Variants in HDAC4 observed in about 807,000 individuals in gnomAD.
HDAC4 encodes histone deacetylase A.
Under a neutral mutation model 135.1 loss-of-function variants are expected in HDAC4, and 16 were observed. That is an observed-to-expected ratio of 0.12 (90% CI 0.08 to 0.18). The LOEUF is 0.18. Ranked by LOEUF, HDAC4 falls within the 10% of genes least tolerant of loss-of-function variation. The pLI is 1.00. For synonymous variants in HDAC4, 685 were observed against 653.4 expected, an observed-to-expected ratio of 1.05 and a Z score of -0.74; for missense variants, 1,143 against 1,511.8, an observed-to-expected ratio of 0.76 and a Z score of 4.05.
chr2:239,126,223 G>A (rs761374121), intron 12 of HDAC4, among the ~76,000 whole-genome samples: 13 of 152,202 alleles, frequency 8.5e-5, no homozygotes, highest in East Asian at 1.9e-4. Flanking sequence ...GGCCCTGCGC[G>A]TCCCACTCCC....
At chr2:239,265,368 A>G (rs531455684) in intron 2 of HDAC4, among the ~76,000 whole-genome samples, 2 of 152,364 alleles carry the variant, frequency 1.3e-5, no homozygotes, top group East Asian at 1.9e-4. Flanking sequence ...TTAGCCCAGC[A>G]ATGGGTGTGG....
intron 19 of HDAC4, among the ~76,000 whole-genome samples, chr2:239,084,822 GAC>G (rs954670202): frequency 7.0e-6 from 1 of 143,168 alleles, no homozygotes; most frequent in Non-Finnish European, 1.5e-5. Context: ...CACAGATAGA[GAC>G]ACACACACCA....
intron 6 of HDAC4, among the ~76,000 whole-genome samples, chr2:239,161,126 T>C (rs2042765828): frequency 6.6e-6 from 1 of 152,214 alleles, no homozygotes; most frequent in Non-Finnish European, 1.5e-5. Context: ...TGACCGTATT[T>C]TTAAGTGGGC....
chr2:239,335,500 C>T (rs1239074281), intron 2 of HDAC4, among the ~76,000 whole-genome samples: 7 of 108,666 alleles, frequency 6.4e-5, no homozygotes, highest in Non-Finnish European at 8.8e-5. Flanking sequence ...TTAAGAGCAT[C>T]TGTTCAGCAA....
chr2:239,242,972 G>C (rs182731893), intron 2 of HDAC4, among the ~76,000 whole-genome samples: 1 of 152,028 alleles, frequency 6.6e-6, no homozygotes, highest in Non-Finnish European at 1.5e-5. Flanking sequence ...ACAAACCAGC[G>C]TGGTCAGGCC....
In HDAC4 at chr2:239,231,641, C is replaced by T. The variant is rs947125941; in HGVS notation, c.94+4952G>A. On this transcript the variant is annotated intron_variant, in intron 3 of 26. Transcript: ENST00000543185. The stretch of plus-strand genomic sequence containing the variant: ...GGATGCCTGAGGTAGGTGTCCTCCC[C>T]GAAGCACCCCTCTCCTCAACCGAGG... Among the ~76,000 whole-genome samples, 24 of 66,786 alleles carry T rather than the reference C, an allele frequency of 3.6e-4. 1 individual carries two copies. Among genetic ancestry groups the T allele is most frequent in the Non-Finnish European group, 7.1e-4 (20 of 28,042 alleles). The allele number at this position is 66,786 out of a possible 152,430, so 43.8% of individuals were successfully genotyped here.
intron 2 of HDAC4, among the ~76,000 whole-genome samples, chr2:239,323,754 T>C (rs2053387127): frequency 6.6e-6 from 1 of 151,468 alleles, no homozygotes; most frequent in African/African-American, 2.4e-5. Flanking sequence ...TCAAAAAGCA[T>C]CCCCTGTCAC....
chr2:239,153,567 G>A (rs3791499), intron 7 of HDAC4, among the ~76,000 whole-genome samples: 120,703 of 152,148 alleles, frequency 0.79, 48,787 homozygotes, highest in South Asian at 0.95. Context: ...TGGTTTAAAC[G>A]TTTTCTCGGA....
At chr2:239,379,004 T>C (rs1371779958) in intron 1 of HDAC4, among the ~76,000 whole-genome samples, 1 of 152,130 alleles carries the variant, frequency 6.6e-6, no homozygotes, top group Non-Finnish European at 1.5e-5. Context: ...CACAGCAGAA[T>C]CTTCAGTGTC....
At chr2:239,179,259 C>T (rs866558342) in intron 4 of HDAC4, among the ~76,000 whole-genome samples, 2 of 152,232 alleles carry the variant, frequency 1.3e-5, no homozygotes, top group African/African-American at 4.8e-5. Flanking sequence ...CCTGTGTATT[C>T]TTCAATCCCT....
intron 4 of HDAC4, among the ~76,000 whole-genome samples, chr2:239,185,038 G>A (rs1414398870): frequency 6.6e-6 from 1 of 151,302 alleles, no homozygotes; most frequent in African/African-American, 2.4e-5. Context: ...CCCTATGGGG[G>A]GGGTCCCTCA....
At chr2:239,263,532 G>A (rs968220426) in intron 2 of HDAC4, among the ~76,000 whole-genome samples, 2 of 152,198 alleles carry the variant, frequency 1.3e-5, no homozygotes, top group Admixed American at 6.5e-5. Flanking sequence ...GATGCCCAAC[G>A]GGTATTGCTA....
chr2:239,345,592 A>AAC (rs764349612), intron 2 of HDAC4, among the ~76,000 whole-genome samples: 1 of 149,846 alleles, frequency 6.7e-6, no homozygotes, highest in African/African-American at 2.5e-5. Context: ...CGGACACCCT[A>AAC]ACACACACAT....
chr2:239,081,985 G>T, intron 21 of HDAC4, 117 bp downstream of exon 21: 4 of 1,087,906 alleles, frequency 3.7e-6, no homozygotes, highest in Non-Finnish European at 4.1e-6. Flanking sequence ...GGGCTTAAGT[G>T]AGCACGAAGG....
chr2:239,066,899 C>G (rs374447880), intron 23 of HDAC4, 44 bp from the exon 24 acceptor site: 4 of 1,596,884 alleles, frequency 2.5e-6, no homozygotes, highest in Admixed American at 3.6e-5. Context: ...GGGGGAGGAC[C>G]GCAGCCAGCA....
rs1052690748 is a variant in HDAC4, at chr2:239,400,004, T to C, written c.-220+974A>G. Among the ~76,000 whole-genome samples the C allele has an allele frequency of 6.6e-6, 1 of 152,232 alleles. No individual in the cohort carries two copies. The highest frequency in any genetic ancestry group is 2.1e-4 in the South Asian group (1 of 4,834). On this transcript the variant is annotated intron_variant, in intron 1 of 26. Coordinates refer to ENST00000543185, the MANE Select transcript of HDAC4 (RefSeq NM_001378414.1). This position sits in a 1 kb window ranked among gnomAD's most constrained non-coding sequence, Gnocchi z 4.7. ...GGGTTCCACCCCCGGCCTTTCCAAC[T>C]GATACGCACGGTCTCCTCCTATAAC...
rs560282458 is a variant in HDAC4 at position 239,355,533 on chromosome 2, CA to C, written c.-219-2616del. Among the ~76,000 whole-genome samples, 13 of 152,368 alleles carry C rather than the reference CA, an allele frequency of 8.5e-5. No individual in the cohort carries two copies. The South Asian group carries it at 2.7e-3, about 32-fold the overall frequency. ...CTCGGCCTAGTCCCTCCTCATACATCACCTTCTGCTTCTCTTTGTTGAGCCA... is the reference window on the plus strand; with the variant it reads ...CTCGGCCTAGTCCCTCCTCATACATCCCTTCTGCTTCTCTTTGTTGAGCCA... On this transcript the variant is annotated intron_variant, in intron 1 of 26. Coordinates refer to ENST00000543185, the MANE Select transcript of HDAC4 (RefSeq NM_001378414.1).
chr2:239,258,067 T>C (rs1444906661), intron 2 of HDAC4, among the ~76,000 whole-genome samples: 2 of 152,158 alleles, frequency 1.3e-5, no homozygotes, highest in Admixed American at 6.5e-5. Flanking sequence ...AAAGAAATGA[T>C]GATTTCTATG....
intron 3 of HDAC4, among the ~76,000 whole-genome samples, chr2:239,192,763 G>A (rs1443956656): frequency 6.6e-6 from 1 of 152,220 alleles, no homozygotes; most frequent in East Asian, 1.9e-4. Context: ...CCTCAGGTGA[G>A]CGGGCCCGTG....
Sources: allele counts gnomAD v4.1 joint callset (sites outside exome capture counted in the v4.1 genomes callset), GRCh38; gene constraint gnomAD v4.1.1; non-coding constraint Gnocchi (gnomAD v3.1); transcripts MANE v1.5; gene names NCBI Gene and HGNC (gene_info 2026-07-23, HGNC 2026-07-21).